PCDH11X: variants seen among roughly 807,000 people sequenced by gnomAD.
The protein encoded by PCDH11X is protocadherin-11 X-linked.
In PCDH11X, 18 loss-of-function variants were observed where a neutral mutation model predicts 53.3. That is an observed-to-expected ratio of 0.34 (90% CI 0.23 to 0.50). The LOEUF is 0.50. PCDH11X is among the 20% of genes least tolerant of loss of function. PCDH11X has a pLI of 0.98. For synonymous variants in PCDH11X, 279 were observed against 393.3 expected, an observed-to-expected ratio of 0.71 and a Z score of 3.44; for missense variants, 570 against 1,032.4, an observed-to-expected ratio of 0.55 and a Z score of 6.14.
chrX:92,013,903 A>C (rs1602679032), intron 6 of PCDH11X, among the ~76,000 whole-genome samples: 1 of 111,977 alleles, frequency 8.9e-6, no homozygotes, highest in East Asian at 2.8e-4. Context: ...TAAAGACTTA[A>C]ATGTTAGACC....
intron 10 of PCDH11X, among the ~76,000 whole-genome samples, chrX:92,492,546 G>A (rs2073784617): frequency 9.0e-6 from 1 of 111,669 alleles, no homozygotes; most frequent in Admixed American, 9.6e-5. Context: ...TTTGGAGAAA[G>A]CTGTATTTTT....
intron 4 of PCDH11X, among the ~76,000 whole-genome samples, chrX:91,824,095 G>T (rs1470821713): frequency 1.8e-5 from 2 of 111,151 alleles, no homozygotes; most frequent in African/African-American, 6.6e-5. Context: ...TTTCTCTCTG[G>T]CTGCCCTTAA....
Position 92,068,791 on chromosome X carries a change from C to T in PCDH11X, c.3034-132584C>T, listed in dbSNP as rs939773902. ...CTGACCTCAAGTGATCTGCTTGCCT[C>T]GGCCTCCCAAAGTGCTGTGATTACA... On this transcript the variant is annotated intron_variant, in intron 6 of 10. Transcript: ENST00000682573. Among the ~76,000 whole-genome samples, 8 of 110,688 alleles carry T rather than the reference C, an allele frequency of 7.2e-5. No homozygotes were observed. The East Asian group carries it at 1.7e-3, about 24-fold the overall frequency.
At chrX:92,523,142 G>A (rs1312426480) in intron 10 of PCDH11X, among the ~76,000 whole-genome samples, 1 of 111,887 alleles carries the variant, frequency 8.9e-6, no homozygotes, top group Non-Finnish European at 1.9e-5. Context: ...CAAAGCGACA[G>A]GCAATCCATT....
At chrX:92,163,368 G>T (rs1202435691) in intron 6 of PCDH11X, among the ~76,000 whole-genome samples, 1 of 108,477 alleles carries the variant, frequency 9.2e-6, no homozygotes, top group Non-Finnish European at 1.9e-5. Context: ...TTCGCATTTG[G>T]TTGGAATTGT....
chrX:92,082,973 CT>C, intron 6 of PCDH11X, among the ~76,000 whole-genome samples: 1 of 111,457 alleles, frequency 9.0e-6, no homozygotes, highest in African/African-American at 3.2e-5. Context: ...AACTGTGAGT[CT>C]GTAAACTTTG....
chrX:92,067,268 T>G (rs1312143690), intron 6 of PCDH11X, among the ~76,000 whole-genome samples: 1 of 110,548 alleles, frequency 9.0e-6, no homozygotes, highest in Non-Finnish European at 1.9e-5. Flanking sequence ...TTTCAGTTTT[T>G]CCCCATTAAC....
chrX:92,512,713 TAAATC>T (rs2074186228), intron 10 of PCDH11X, among the ~76,000 whole-genome samples: 1 of 112,235 alleles, frequency 8.9e-6, no homozygotes, highest in Non-Finnish European at 1.9e-5. Flanking sequence ...GTGAATTTAT[TAAATC>T]AAAGTCTTTT....
intron 8 of PCDH11X, among the ~76,000 whole-genome samples, chrX:92,333,965 G>T (rs757227357): frequency 1.8e-5 from 2 of 110,296 alleles, no homozygotes; most frequent in Non-Finnish European, 3.8e-5. Flanking sequence ...AATAGCATTC[G>T]CTTTCAGACT....
At chrX:91,955,292 A>C (rs1334315045) in intron 6 of PCDH11X, among the ~76,000 whole-genome samples, 1 of 108,564 alleles carries the variant, frequency 9.2e-6, no homozygotes, top group East Asian at 2.9e-4. Context: ...TGAGTTCTCT[A>C]TTCTGTTCCA....
At chrX:91,787,299 C>T (rs2524815) in intron 1 of PCDH11X, among the ~76,000 whole-genome samples, 17 of 110,474 alleles carry the variant, frequency 1.5e-4, no homozygotes, top group Admixed American at 1.3e-3. Flanking sequence ...TTTCCTGACA[C>T]GACATTTTGG....
chrX:92,086,003 A>C (rs1047151971), intron 6 of PCDH11X, among the ~76,000 whole-genome samples: 1 of 112,045 alleles, frequency 8.9e-6, no homozygotes, highest in Non-Finnish European at 1.9e-5. Flanking sequence ...ATTAATATTC[A>C]CATTGATTGC....
intron 6 of PCDH11X, among the ~76,000 whole-genome samples, chrX:92,191,032 G>A (rs2025091): frequency 0.43 from 47,822 of 110,752 alleles, 7,326 homozygotes; most frequent in Admixed American, 0.6. Context: ...GTTTGTATAA[G>A]TTAATGCTAA....
At chrX:91,883,186 T>G (rs1939997295) in intron 6 of PCDH11X, 7 of 931,220 alleles carry the variant, frequency 7.5e-6, no homozygotes, top group Middle Eastern at 9.8e-4. Context: ...AGTACTCTCA[T>G]GCTGTTTCTC....
At chrX:92,303,996 G>C (rs1461546123) in intron 8 of PCDH11X, among the ~76,000 whole-genome samples, 1 of 109,631 alleles carries the variant, frequency 9.1e-6, no homozygotes, top group Non-Finnish European at 1.9e-5. Flanking sequence ...CAGTGGAGTG[G>C]GAAATTCTGT....
intron 6 of PCDH11X, among the ~76,000 whole-genome samples, chrX:92,009,678 G>C (rs1296222973): frequency 1.0e-5 from 1 of 99,722 alleles, no homozygotes; most frequent in African/African-American, 3.7e-5. Context: ...CAGGCCCCTT[G>C]ATAAAAAACA....
chrX:91,899,324 G>A (rs954392774), intron 6 of PCDH11X, among the ~76,000 whole-genome samples: 1 of 111,027 alleles, frequency 9.0e-6, no homozygotes, highest in Non-Finnish European at 1.9e-5. Context: ...GACTCAGCCA[G>A]TGTATTCTTT....
At chrX:92,451,561 T>C (rs1569488999) in intron 9 of PCDH11X, among the ~76,000 whole-genome samples, 1 of 111,233 alleles carries the variant, frequency 9.0e-6, no homozygotes, top group Non-Finnish European at 1.9e-5. Flanking sequence ...AGTAAAGTTT[T>C]ATCTTTGAGT....
At chrX:92,586,876 A>G (rs1260097234) in intron 10 of PCDH11X, among the ~76,000 whole-genome samples, 3 of 111,018 alleles carry the variant, frequency 2.7e-5, no homozygotes, top group African/African-American at 9.8e-5. Context: ...ATGCATTTGT[A>G]CCACATTTAA....
Sources: gnomAD v4.1 joint callset for allele counts (sites outside exome capture counted in the v4.1 genomes callset) on GRCh38, gnomAD v4.1.1 for gene constraint, MANE v1.5 for transcripts, NCBI Gene and HGNC (gene_info 2026-07-23, HGNC 2026-07-21) for gene names.